SFXN4: variants seen among roughly 807,000 people sequenced by gnomAD.
SFXN4 encodes the protein sideroflexin-4.
SFXN4 carries 48 observed loss-of-function variants against 54.6 expected under a neutral mutation model. That is an observed-to-expected ratio of 0.88 (90% CI 0.70 to 1.12). SFXN4 has a LOEUF of 1.12. Ranked by LOEUF, SFXN4 falls within the 50% of genes most tolerant of loss-of-function variation. The probability of loss-of-function intolerance (pLI) is 0.00; values close to 1 mark genes in which losing one functional copy is unlikely to be tolerated. For missense variants in SFXN4, 383 were observed against 409.2 expected (o/e 0.94, Z 0.55); for synonymous variants, 130 against 145.5 (o/e 0.89, Z 0.77).
intron 10 of SFXN4, 26 bp downstream of exon 10, chr10:119,156,652 T>C: frequency 6.3e-7 from 1 of 1,576,016 alleles, no homozygotes; most frequent in East Asian, 2.3e-5. Flanking sequence ...CCACCCAGAC[T>C]GCAGCCTCCA....
chr10:119,163,596 T>C (rs1257537758), intron 2 of SFXN4, among the ~76,000 whole-genome samples: 1 of 150,952 alleles, frequency 6.6e-6, no homozygotes, highest in Non-Finnish European at 1.5e-5. Context: ...GAGACGTCGG[T>C]TTCACCATGT....
intron 11 of SFXN4, among the ~76,000 whole-genome samples, chr10:119,152,684 A>G (rs1415467612): frequency 6.6e-6 from 1 of 152,116 alleles, no homozygotes; most frequent in Non-Finnish European, 1.5e-5. Context: ...TGGAAATACC[A>G]TTAGCATGTA....
chr10:119,153,662 T>C (rs12412454), intron 11 of SFXN4, among the ~76,000 whole-genome samples: 46,910 of 151,568 alleles, frequency 0.31, 7,844 homozygotes, highest in South Asian at 0.41. Flanking sequence ...GGGAGGGGAG[T>C]GGCCCCCAAT....
In SFXN4 at chr10:119,162,510, T is replaced by G; in HGVS notation, c.178-96A>C. ...CACCAGCTCACTCACCAGCATGCACTGGACTTCGACTGCATGCCTGATTTC... is the reference window on the plus strand; with the variant it reads ...CACCAGCTCACTCACCAGCATGCACGGGACTTCGACTGCATGCCTGATTTC... On this transcript the variant is annotated intron_variant, in intron 2 of 13. Coordinates refer to ENST00000355697, the MANE Select transcript of SFXN4 (RefSeq NM_213649.2). 3.1e-6 allele frequency: 3 copies of G among 953,194 alleles called. No homozygotes were observed. In the Admixed American group the frequency reaches 6.0e-5, roughly 19 times the overall value. 59.0% of individuals were successfully genotyped at this position (953,194 alleles called of 1,614,324 possible).
In SFXN4 at chr10:119,152,230, G is replaced by GTTT. The variant is rs34523899; in HGVS notation, c.732+2829_732+2831dup. Among the ~76,000 whole-genome samples the GTTT allele has an allele frequency of 3.8e-3, 570 of 149,056 alleles. 2 individuals carry two copies. Among genetic ancestry groups the GTTT allele is most frequent in the African/African-American group, 9.6e-3 (389 of 40,724 alleles). On this transcript the variant is annotated intron_variant, in intron 11 of 13. Transcript: ENST00000355697. ...GTTTGAAAAAATGTCTCTTTCGGGC[G>GTTT]TTTTTTTTTTTCCCCAGGGGAAAGC...
chr10:119,151,416 C>CTGGGGGTGGGGGTGGGGGTGGGGG (rs202124322), intron 11 of SFXN4, among the ~76,000 whole-genome samples: 1 of 29,140 alleles, frequency 3.4e-5, no homozygotes, highest in African/African-American at 1.5e-4. Flanking sequence ...CTCCCTAGGG[C>CTGGGGGTGGGGGTGGGGGTGGGGG]TGGGGGTGGG....
chr10:119,153,755 T>C (rs1352991757), intron 11 of SFXN4, among the ~76,000 whole-genome samples: 1 of 152,170 alleles, frequency 6.6e-6, no homozygotes, highest in African/African-American at 2.4e-5. Context: ...CAGATGCCTG[T>C]CTGTGGCAGT....
At chr10:119,159,543 G>C (rs530785341) in intron 6 of SFXN4, among the ~76,000 whole-genome samples, 185 bp downstream of exon 6, 124 of 81,922 alleles carry the variant, frequency 1.5e-3, no homozygotes, top group African/African-American at 3.7e-3. Flanking sequence ...GGTGTGGGGA[G>C]GGGGAGGGAG....
intron 10 of SFXN4, among the ~76,000 whole-genome samples, chr10:119,155,771 G>A (rs1168493447): frequency 6.6e-6 from 1 of 152,190 alleles, no homozygotes; most frequent in African/African-American, 2.4e-5. Context: ...GGGATTCCAG[G>A]TGTGAGCCGC....
intron 11 of SFXN4, among the ~76,000 whole-genome samples, chr10:119,153,507 G>C (rs983929620): frequency 3.3e-5 from 5 of 152,134 alleles, no homozygotes; most frequent in African/African-American, 1.2e-4. Flanking sequence ...TTTTGGATCA[G>C]AGAATTCAAT....
chr10:119,162,385 C>A lies in SFXN4; in HGVS notation c.207G>T (p.Leu69Phe), dbSNP rs769385583. 1 of 1,614,136 alleles carries A rather than the reference C, an allele frequency of 6.2e-7. No individual in the cohort carries two copies. The highest frequency in any genetic ancestry group is 2.2e-5 in the East Asian group (1 of 44,888). ...GGCTGGAAACATCTTCATTTGTGCACAATAGTTGCCTCGAGTTTTCTATAC... is the reference window on the plus strand; with the variant it reads ...GGCTGGAAACATCTTCATTTGTGCAAAATAGTTGCCTCGAGTTTTCTATAC... ...VESIENSRQL[L>F]CTNEDVSSPA... Residue 69 changes from leucine to phenylalanine, a missense_variant, in exon 3 of 14, where the codon TTG becomes TTT. By Grantham distance (22) the Leu-to-Phe change is conservative. Coordinates refer to ENST00000355697, the MANE Select transcript of SFXN4 (RefSeq NM_213649.2).
At chr10:119,142,306 C>G (rs552816348) in intron 13 of SFXN4, among the ~76,000 whole-genome samples, 1 of 152,244 alleles carries the variant, frequency 6.6e-6, no homozygotes, top group Non-Finnish European at 1.5e-5. Flanking sequence ...TTTCATCAAG[C>G]ACCTCCCACA....
chr10:119,153,595 G>A (rs1847161254), intron 11 of SFXN4, among the ~76,000 whole-genome samples: 3 of 152,142 alleles, frequency 2.0e-5, no homozygotes, highest in South Asian at 4.1e-4. Flanking sequence ...GAGAAGCAGG[G>A]GCTCTTTTAA....
chr10:119,164,756 T>C (rs1056219196), intron 1 of SFXN4, among the ~76,000 whole-genome samples: 1 of 152,032 alleles, frequency 6.6e-6, no homozygotes, highest in African/African-American at 2.4e-5. Context: ...TCACCGCCCC[T>C]TCTCAATTTC....
chr10:119,162,730 C>T (rs139498277), intron 2 of SFXN4, among the ~76,000 whole-genome samples: 3 of 152,234 alleles, frequency 2.0e-5, no homozygotes, highest in Non-Finnish European at 4.4e-5. Context: ...CCTAGAAGTC[C>T]TTCTCCCTCA....
At chr10:119,161,427 C>CAAAAAAAAAAAA (rs1254206919) in intron 3 of SFXN4, among the ~76,000 whole-genome samples, 1 of 116,680 alleles carries the variant, frequency 8.6e-6, no homozygotes, top group Non-Finnish European at 1.7e-5. Context: ...ACAACAACAA[C>CAAAAAAAAAAAA]AAAAAAAAAC....
At chr10:119,145,332 G>A (rs1441221125) in intron 13 of SFXN4, among the ~76,000 whole-genome samples, 1 of 65,208 alleles carries the variant, frequency 1.5e-5, no homozygotes, top group Non-Finnish European at 3.1e-5. Context: ...TTTTTTTTTT[G>A]AGACAGAGTC....
chr10:119,165,496 G>C, intron 1 of SFXN4, 41 bp downstream of exon 1: 2 of 1,522,766 alleles, frequency 1.3e-6, no homozygotes, highest in Admixed American at 2.2e-5. Flanking sequence ...GGCCCGGCCC[G>C]CCCCCTCCCT....
intron 10 of SFXN4, among the ~76,000 whole-genome samples, chr10:119,155,934 C>G (rs2133604574): frequency 6.6e-6 from 1 of 152,226 alleles, no homozygotes; most frequent in East Asian, 1.9e-4. Context: ...TCAAAATATT[C>G]AGCTAATATC....
Sources: allele counts gnomAD v4.1 joint callset (sites outside exome capture counted in the v4.1 genomes callset), GRCh38; gene constraint gnomAD v4.1.1; transcripts MANE v1.5; gene names NCBI Gene and HGNC (gene_info 2026-07-23, HGNC 2026-07-21).